The following PCDHGA3 variants were observed in gnomAD, a reference collection of about 807,000 sequenced individuals.
PCDHGA3 encodes the protein protocadherin gamma-A3.
In PCDHGA3, 40 loss-of-function variants were observed where a neutral mutation model predicts 58.5. That is an observed-to-expected ratio of 0.68 (90% CI 0.53 to 0.89). PCDHGA3 has a LOEUF of 0.89. PCDHGA3 is among the 40% of genes least tolerant of loss of function. The pLI is 0.00. For missense variants in PCDHGA3, 1,223 were observed against 1,195.9 expected (o/e 1.02, Z -0.33); for synonymous variants, 530 against 525.7 (o/e 1.01, Z -0.11).
intron 1 of PCDHGA3, among the ~76,000 whole-genome samples, chr5:141,458,695 G>A (rs551105765): frequency 2.0e-5 from 3 of 151,852 alleles, no homozygotes; most frequent in Non-Finnish European, 2.9e-5. Context: ...TCAGCCTCCC[G>A]AGTAGCTGGG....
rs149920059 is a variant in PCDHGA3 at position 141,409,848 on chromosome 5, G to A, written c.2424+63391G>A. 8,006 of 1,612,024 alleles carry A rather than the reference G, an allele frequency of 5.0e-3. 45 individuals are homozygous for A. The highest frequency in any genetic ancestry group is 9.5e-3 in the Admixed American group (567 of 59,794). On this transcript the variant is annotated intron_variant, in intron 1 of 3. Transcript: ENST00000253812. ...ACGCTCAGCGCCAACGTGAGCCTGC[G>A]CGTGTTGGTGGGAGACCGCAATGAC... is the stretch of plus-strand genomic sequence containing the variant.
intron 1 of PCDHGA3, chr5:141,409,940 C>G: frequency 6.2e-7 from 1 of 1,613,236 alleles, no homozygotes. Flanking sequence ...TATGGTACCT[C>G]GCTCTGCAGA....
At chr5:141,399,957 C>T in intron 1 of PCDHGA3, 5 of 1,612,212 alleles carry the variant, frequency 3.1e-6, no homozygotes, top group South Asian at 1.1e-5. Flanking sequence ...CTAGCGAGCC[C>T]GGGCTCTTCA....
chr5:141,348,321 T>A (rs1758096787), intron 1 of PCDHGA3, among the ~76,000 whole-genome samples: 1 of 152,160 alleles, frequency 6.6e-6, no homozygotes, highest in African/African-American at 2.4e-5. Context: ...CATCACAGAA[T>A]TTAAAAGGCC....
chr5:141,431,554 C>G lies in PCDHGA3; in HGVS notation c.2425-63253C>G. 1 of 1,614,126 alleles carries G rather than the reference C, an allele frequency of 6.2e-7. No homozygotes were observed. The highest frequency in any genetic ancestry group is 1.7e-5 in the Admixed American group (1 of 60,032). ...TGGGCACGCAGCTGCTTGTAGTCAA[C>G]GCTACCGACCCTGACGAAGGAGTCA... is the stretch of plus-strand genomic sequence containing the variant. On this transcript the variant is annotated intron_variant, in intron 1 of 3. Coordinates refer to ENST00000253812, the MANE Select transcript of PCDHGA3 (RefSeq NM_018916.4). This position sits in a 1 kb window ranked among gnomAD's most constrained non-coding sequence, Gnocchi z 4.8.
At chr5:141,362,257 A>C (rs1199610495) in intron 1 of PCDHGA3, 5 of 1,613,784 alleles carry the variant, frequency 3.1e-6, no homozygotes. Context: ...CCTCGCGGTG[A>C]TTCTGGCAAT....
intron 1 of PCDHGA3, chr5:141,361,949 C>T: frequency 6.2e-7 from 1 of 1,604,150 alleles, no homozygotes; most frequent in Non-Finnish European, 8.5e-7. Flanking sequence ...GCTTGGCTGT[C>T]CTACCACGTG....
At chr5:141,460,177 T>C (rs1021646181) in intron 1 of PCDHGA3, among the ~76,000 whole-genome samples, 13 of 152,138 alleles carry the variant, frequency 8.5e-5, no homozygotes, top group African/African-American at 3.1e-4. Context: ...TTGTGGATAT[T>C]TTATCCCAGA....
Position 141,344,678 on chromosome 5 carries a change from T to TG in PCDHGA3, c.646dup (p.Asp216GlyfsTer22), listed in dbSNP as rs753632432. 1 of 1,614,018 alleles carries TG rather than the reference T, an allele frequency of 6.2e-7. No individual in the cohort carries two copies. The highest frequency in any genetic ancestry group is 1.1e-5 in the South Asian group (1 of 91,088). On this transcript the variant is annotated frameshift_variant, in exon 1 of 4. Coordinates refer to ENST00000253812, the MANE Select transcript of PCDHGA3 (RefSeq NM_018916.4). LOFTEE classifies it high-confidence loss of function. The stretch of plus-strand genomic sequence containing the variant: ...TTCACCAGCTTGTCCTGGTTGCCTC[T>TG]GATGGTGGCGACCCTGTCCACTCTG...
rs145025535 is a variant in PCDHGA3 at position 141,457,569 on chromosome 5, T to A, written c.2425-37238T>A. 2.5e-3 allele frequency among the ~76,000 whole-genome samples: 376 copies of A among 152,304 alleles called. 1 individual carries two copies. Among genetic ancestry groups the A allele is most frequent in the African/African-American group, 8.6e-3 (357 of 41,554 alleles). On this transcript the variant is annotated intron_variant, in intron 1 of 3. Transcript: ENST00000253812. Reference sequence around the variant, plus strand: ...TGTATGATAAGCTTTGGAGCAAAATTTTTCTCTCCAGTCCTCATTTTTGGT... The same window carrying A: ...TGTATGATAAGCTTTGGAGCAAAATATTTCTCTCCAGTCCTCATTTTTGGT...
At chr5:141,413,417 T>C in intron 1 of PCDHGA3, 18 of 1,614,086 alleles carry the variant, frequency 1.1e-5, no homozygotes, top group Non-Finnish European at 1.5e-5. Context: ...CTTTTCTCTC[T>C]GAACCCGCGC....
intron 1 of PCDHGA3, chr5:141,372,300 G>A: frequency 2.5e-6 from 4 of 1,613,366 alleles, no homozygotes; most frequent in Non-Finnish European, 3.4e-6. Context: ...GGGCGACAGG[G>A]AGGCCGCCCG....
rs780685929 is a variant in PCDHGA3 at position 141,389,589 on chromosome 5, G to A, written c.2424+43132G>A. 10 of 1,613,050 alleles carry A rather than the reference G, an allele frequency of 6.2e-6. No individual in the cohort carries two copies. In the Middle Eastern group the frequency reaches 5.0e-4, roughly 81 times the overall value. On this transcript the variant is annotated intron_variant, in intron 1 of 3. Coordinates refer to ENST00000253812, the MANE Select transcript of PCDHGA3 (RefSeq NM_018916.4). ...GCTGTACCCCGCGCTGGGTCCCGAC[G>A]GCTCTGCGCTCTTCGATATGGTGCC...
intron 1 of PCDHGA3, among the ~76,000 whole-genome samples, chr5:141,380,845 A>G (rs1215311097): frequency 6.6e-6 from 1 of 152,272 alleles, no homozygotes; most frequent in Admixed American, 6.5e-5. Context: ...GTAAAAATGG[A>G]TCAAGACATT....
chr5:141,389,126 A>G, intron 1 of PCDHGA3: 1 of 1,614,034 alleles, frequency 6.2e-7, no homozygotes, highest in South Asian at 1.1e-5. Context: ...AGCAGAATCC[A>G]GAGTACAATA....
intron 1 of PCDHGA3, chr5:141,414,483 A>T (rs756254490): frequency 5.6e-6 from 9 of 1,613,826 alleles, no homozygotes; most frequent in Non-Finnish European, 6.8e-6. Flanking sequence ...GTCCTCCTCT[A>T]TCAACGGAAG....
Position 141,382,863 on chromosome 5 carries a change from C to G in PCDHGA3, c.2424+36406C>G, listed in dbSNP as rs1214467888. 4 of 1,516,660 alleles carry G rather than the reference C, an allele frequency of 2.6e-6. No homozygotes were observed. The South Asian group carries it at 4.0e-5, about 15-fold the overall frequency. The allele number at this position is 1,516,660 out of a possible 1,614,324, so 94.0% of individuals were successfully genotyped here. On this transcript the variant is annotated intron_variant, in intron 1 of 3. Coordinates refer to ENST00000253812, the MANE Select transcript of PCDHGA3 (RefSeq NM_018916.4). ...ATACACCCGCATTCTGAAGCACTTC[C>G]CGAGATCGGCGCCTAAGCAAGAGAA... is the stretch of plus-strand genomic sequence containing the variant.
At chr5:141,403,831 G>T (rs1207086715) in intron 1 of PCDHGA3, 1 of 1,613,760 alleles carries the variant, frequency 6.2e-7, no homozygotes. Context: ...TGCTATTCCA[G>T]CTTAATGAAA....
In PCDHGA3 at chr5:141,400,247, T is replaced by C; in HGVS notation, c.2424+53790T>C. 1 of 1,614,050 alleles carries C rather than the reference T, an allele frequency of 6.2e-7. No homozygotes were observed. Among genetic ancestry groups the C allele is most frequent in the East Asian group, 2.2e-5 (1 of 44,884 alleles). ...TTCCTCCTGGCCGTGATTCTGGCCG[T>C]TGCCTTGCGCCTGCGACGCTCCTCC... On this transcript the variant is annotated intron_variant, in intron 1 of 3. Transcript: ENST00000253812.
Sources: gnomAD v4.1 joint callset for allele counts (sites outside exome capture counted in the v4.1 genomes callset) on GRCh38, gnomAD v4.1.1 for gene constraint, Gnocchi (gnomAD v3.1) non-coding constraint, MANE v1.5 for transcripts, NCBI Gene and HGNC (gene_info 2026-07-23, HGNC 2026-07-21) for gene names.